The following PACRG variants were observed in gnomAD, a reference collection of about 807,000 sequenced individuals.
PACRG encodes parkin coregulated gene protein.
Under a neutral mutation model 29.7 loss-of-function variants are expected in PACRG, and 29 were observed. The ratio of observed to expected loss-of-function variants is 0.98; its 90% CI spans 0.73 to 1.33. PACRG has a LOEUF of 1.33. Ranked by LOEUF, PACRG falls within the 40% of genes most tolerant of loss-of-function variation. The probability of loss-of-function intolerance (pLI) is 0.00; values close to 1 mark genes in which losing one functional copy is unlikely to be tolerated. For synonymous variants in PACRG, 116 were observed against 118.7 expected (o/e 0.98, Z 0.15); for missense variants, 279 against 316.2 (o/e 0.88, Z 0.89).
chr6:162,995,488 G>C (rs1803930019), intron 2 of PACRG, among the ~76,000 whole-genome samples: 1 of 152,164 alleles, frequency 6.6e-6, no homozygotes, highest in East Asian at 1.9e-4. Flanking sequence ...TATTCGGGTG[G>C]GAGTGACCCG....
At chr6:163,021,970 T>C (rs1303630425) in intron 2 of PACRG, among the ~76,000 whole-genome samples, 1 of 152,242 alleles carries the variant, frequency 6.6e-6, no homozygotes, top group Admixed American at 6.5e-5. Context: ...ATTTCTTCTT[T>C]TGAGAATTCT....
rs77560052 is a variant in PACRG at position 163,109,396 on chromosome 6, T to A, written c.613+19988T>A. Among the ~76,000 whole-genome samples, 911 of 152,334 alleles carry A rather than the reference T, an allele frequency of 6.0e-3. 3 individuals carry two copies. Among genetic ancestry groups the A allele is most frequent in the Middle Eastern group, 0.01 (3 of 294 alleles). ...ATAGCAAATTCTTCTTTGTTCTCCATGCAGCAAAAATTACATCTGTTGTCT... is the reference window on the plus strand; with the variant it reads ...ATAGCAAATTCTTCTTTGTTCTCCAAGCAGCAAAAATTACATCTGTTGTCT... On this transcript the variant is annotated intron_variant, in intron 4 of 4. Transcript: ENST00000366888.
chr6:163,252,375 G>A (rs1481815307), intron 4 of PACRG, among the ~76,000 whole-genome samples: 1 of 152,258 alleles, frequency 6.6e-6, no homozygotes, highest in Non-Finnish European at 1.5e-5. Flanking sequence ...GCAGCAGGGG[G>A]GCGACATCAT....
At chr6:162,730,294 GCAGTATAGACTTCT>G (rs1198911355) in intron 1 of PACRG, among the ~76,000 whole-genome samples, 1 of 152,016 alleles carries the variant, frequency 6.6e-6, no homozygotes, top group Non-Finnish European at 1.5e-5. Context: ...TTTATCTTTA[GCAGTATAGACTTCT>G]CAGCATTATA....
At chr6:163,299,505 C>G (rs565090318) in intron 4 of PACRG, among the ~76,000 whole-genome samples, 1 of 152,154 alleles carries the variant, frequency 6.6e-6, no homozygotes, top group South Asian at 2.1e-4. Context: ...TTGCCTGTCC[C>G]TCAGCACTTC....
chr6:162,727,585 C>T (rs111508614), upstream of PACRG: 1 of 1,464,244 alleles, frequency 6.8e-7, no homozygotes, highest in South Asian at 1.2e-5. Context: ...GGGTCCTGGT[C>T]GGCCGAGGCG....
chr6:163,001,532 A>G (rs1253790806), intron 2 of PACRG, among the ~76,000 whole-genome samples: 2 of 152,214 alleles, frequency 1.3e-5, no homozygotes, highest in African/African-American at 4.8e-5. Context: ...AGAGAAAGAG[A>G]AAACCACAGG....
intron 4 of PACRG, among the ~76,000 whole-genome samples, chr6:163,219,865 T>C (rs1292954377): frequency 6.6e-6 from 1 of 152,196 alleles, no homozygotes; most frequent in Non-Finnish European, 1.5e-5. Flanking sequence ...CCGGTCTCCA[T>C]GGGGTGCTCA....
chr6:163,098,185 G>A (rs1814773341), intron 4 of PACRG, among the ~76,000 whole-genome samples: 1 of 152,118 alleles, frequency 6.6e-6, no homozygotes, highest in Non-Finnish European at 1.5e-5. Context: ...GAAGTAAAAG[G>A]TCAGAGTTCA....
At chr6:163,285,693 A>C (rs979343929) in intron 4 of PACRG, among the ~76,000 whole-genome samples, 2 of 152,186 alleles carry the variant, frequency 1.3e-5, no homozygotes, top group East Asian at 3.8e-4. Context: ...AATAATAACC[A>C]CAGCTCCTGC....
chr6:162,920,105 A>G (rs1796965268), intron 2 of PACRG, among the ~76,000 whole-genome samples: 2 of 152,016 alleles, frequency 1.3e-5, no homozygotes. Context: ...TGGCGCATAG[A>G]AGGTGTTCAC....
chr6:162,967,082 T>G (rs1801101575), intron 2 of PACRG, among the ~76,000 whole-genome samples: 1 of 149,526 alleles, frequency 6.7e-6, no homozygotes, highest in Non-Finnish European at 1.5e-5. Flanking sequence ...TTACACGTTT[T>G]ATCATACTAA....
chr6:163,290,278 G>GCACACACACACA (rs3064946), intron 4 of PACRG, among the ~76,000 whole-genome samples: 47 of 114,564 alleles, frequency 4.1e-4, no homozygotes, highest in Middle Eastern at 5.2e-3. Context: ...GCGCGCGCGC[G>GCACACACACACA]CACACACACA....
At chr6:163,232,976 C>G (rs1585355241) in intron 4 of PACRG, among the ~76,000 whole-genome samples, 1 of 152,234 alleles carries the variant, frequency 6.6e-6, no homozygotes, top group African/African-American at 2.4e-5. Flanking sequence ...CCGCATCCCT[C>G]TGGGACTACA....
chr6:163,226,137 CAT>C (rs1221718419), intron 4 of PACRG, among the ~76,000 whole-genome samples: 1 of 152,194 alleles, frequency 6.6e-6, no homozygotes, highest in Non-Finnish European at 1.5e-5. Context: ...TGATCTCACT[CAT>C]ATGTGGAATC....
At chr6:163,075,566 G>T (rs1238369566) in intron 3 of PACRG, among the ~76,000 whole-genome samples, 7 of 152,020 alleles carry the variant, frequency 4.6e-5, no homozygotes, top group Non-Finnish European at 4.4e-5. Flanking sequence ...TGACAAAGTT[G>T]GTTTTATTTC....
intron 1 of PACRG, among the ~76,000 whole-genome samples, chr6:162,731,408 T>A (rs934754478): frequency 2.6e-5 from 4 of 152,010 alleles, no homozygotes; most frequent in Admixed American, 2.0e-4. Context: ...TTTTTTTGAG[T>A]CATTATTCCC....
intron 2 of PACRG, among the ~76,000 whole-genome samples, chr6:162,939,074 A>G (rs961146683): frequency 8.5e-5 from 13 of 152,186 alleles, no homozygotes; most frequent in Non-Finnish European, 1.5e-4. Flanking sequence ...ACATAGACCA[A>G]TGGAACAGAA....
chr6:163,101,016 A>G (rs1815055263), intron 4 of PACRG: 1 of 983,360 alleles, frequency 1.0e-6, no homozygotes, highest in Admixed American at 6.2e-5. Flanking sequence ...TTTGCTCTTA[A>G]GTACAGTACT....
Sources: gnomAD v4.1 joint callset for allele counts (sites outside exome capture counted in the v4.1 genomes callset) on GRCh38, gnomAD v4.1.1 for gene constraint, MANE v1.5 for transcripts, NCBI Gene and HGNC (gene_info 2026-07-23, HGNC 2026-07-21) for gene names.